Variants in EML4 observed in about 807,000 individuals in gnomAD.
The protein encoded by EML4 is EMAP like 4.
Under a neutral mutation model 129.0 loss-of-function variants are expected in EML4, and 72 were observed. The observed-to-expected ratio is 0.56, with a 90% CI of 0.46 to 0.68. The LOEUF (loss-of-function observed/expected upper bound fraction) is 0.68, where lower values mean the gene tolerates loss of function less well. EML4 is among the 30% of genes least tolerant of loss of function. EML4 has a pLI of 0.00. For synonymous variants in EML4, 532 were observed against 405.0 expected (o/e 1.31, Z -3.77); for missense variants, 1,363 against 1,190.6 (o/e 1.14, Z -2.13).
intron 1 of EML4, among the ~76,000 whole-genome samples, chr2:42,181,733 C>T (rs60046779): frequency 0.024 from 3,601 of 152,204 alleles, 137 homozygotes; most frequent in African/African-American, 0.08. Flanking sequence ...TCTTTGAAGA[C>T]TTTCTTGTTT....
At chr2:42,254,881 A>T (rs1676024482) in intron 2 of EML4, among the ~76,000 whole-genome samples, 1 of 152,216 alleles carries the variant, frequency 6.6e-6, no homozygotes, top group Non-Finnish European at 1.5e-5. Context: ...AGGTGGAAAC[A>T]ATCCAGATGA....
intron 2 of EML4, among the ~76,000 whole-genome samples, chr2:42,254,898 A>G (rs867594181): frequency 7.9e-5 from 12 of 152,342 alleles, no homozygotes; most frequent in Middle Eastern, 3.4e-3. Context: ...ATGATCATCA[A>G]CAGATGAATG....
At position 42,328,503 on chromosome 2, in the gene EML4, GT is replaced by G. The variant is rs534458893; in HGVS notation, c.2342-378del. ...TTCGAAGACTTGGTGTTATGGCTTT[GT>G]TTTTGAACCTTGTCTATACAAGTAA... On this transcript the variant is annotated intron_variant, in intron 21 of 22. Coordinates refer to ENST00000318522, the MANE Select transcript of EML4 (RefSeq NM_019063.5). Among the ~76,000 whole-genome samples, 242 of 152,280 alleles carry G rather than the reference GT, an allele frequency of 1.6e-3. 1 individual carries two copies. Among genetic ancestry groups the G allele is most frequent in the African/African-American group, 5.6e-3 (234 of 41,566 alleles).
At chr2:42,296,256 G>A (rs976094704) in intron 13 of EML4, among the ~76,000 whole-genome samples, 1 of 152,080 alleles carries the variant, frequency 6.6e-6, no homozygotes, top group African/African-American at 2.4e-5. Context: ...AGTGGGCCAG[G>A]AGAAGAGAGA....
intron 14 of EML4, among the ~76,000 whole-genome samples, chr2:42,301,785 T>G (rs1668301265): frequency 6.6e-6 from 1 of 152,132 alleles, no homozygotes; most frequent in Admixed American, 6.5e-5. Context: ...ATAGTACTGC[T>G]CTTGGATTTT....
chr2:42,258,325 G>GT (rs564187234), intron 3 of EML4, among the ~76,000 whole-genome samples: 74 of 152,012 alleles, frequency 4.9e-4, no homozygotes, highest in African/African-American at 1.7e-3. Context: ...TTGGAACTCA[G>GT]TTTTTTAATT....
At chr2:42,292,668 T>G (rs1667714051) in intron 11 of EML4, among the ~76,000 whole-genome samples, 2 of 152,332 alleles carry the variant, frequency 1.3e-5, no homozygotes, top group South Asian at 4.1e-4. Flanking sequence ...AATGTTTTGT[T>G]TCTTGTTCTG....
intron 1 of EML4, among the ~76,000 whole-genome samples, chr2:42,209,758 G>A (rs372120759): frequency 3.9e-5 from 6 of 152,136 alleles, no homozygotes; most frequent in African/African-American, 1.2e-4. Flanking sequence ...GGAGAAACCC[G>A]GTCTCTATTA....
chr2:42,170,942 A>G (rs1050304608), intron 1 of EML4, among the ~76,000 whole-genome samples: 13 of 152,252 alleles, frequency 8.5e-5, no homozygotes, highest in African/African-American at 3.1e-4. Flanking sequence ...GATATTAAAT[A>G]GTAAAACCTA....
At chr2:42,225,270 G>A (rs1673882464) in intron 1 of EML4, among the ~76,000 whole-genome samples, 2 of 152,066 alleles carry the variant, frequency 1.3e-5, no homozygotes, top group Admixed American at 6.5e-5. Context: ...GATTATATCT[G>A]TAAGTGGAGT....
Position 42,169,589 on chromosome 2 carries a change from G to T in EML4, c.-23G>T. On this transcript the variant is annotated 5_prime_UTR_variant, in exon 1 of 23. Transcript: ENST00000318522. ...TGAAGTGCCCGCCCCTCTAAGCCCG[G>T]AGCCCGGCGCTTTCCCCGCAAGATG... 6.3e-7 allele frequency: 1 copy of T among 1,598,786 alleles called. No individual in the cohort carries two copies. Among genetic ancestry groups the T allele is most frequent in the Non-Finnish European group, 8.5e-7 (1 of 1,174,508 alleles).
chr2:42,255,930 T>G (rs1676115599), intron 2 of EML4, among the ~76,000 whole-genome samples: 1 of 152,234 alleles, frequency 6.6e-6, no homozygotes, highest in Non-Finnish European at 1.5e-5. Context: ...AATCTTTACT[T>G]GACTCTTAGT....
Position 42,332,022 on chromosome 2 carries a change from T to A in EML4, c.*1815T>A, listed in dbSNP as rs565101984. The A allele has an allele frequency of 4.5e-6, 1 of 222,750 alleles. No homozygotes were observed. The highest frequency in any genetic ancestry group is 6.6e-5 in the East Asian group (1 of 15,220). 13.8% of individuals were successfully genotyped at this position (222,750 alleles called of 1,614,324 possible). On this transcript the variant is annotated 3_prime_UTR_variant, in exon 23 of 23. Coordinates refer to ENST00000318522, the MANE Select transcript of EML4 (RefSeq NM_019063.5). ...AGTATGTATGTTCTGTACATACTTA[T>A]CGGAGCGCGCCAGTAAGTATCAGGC...
rs896232700 is a variant in EML4, at chr2:42,261,289, C to A, written c.507C>A (p.Thr169=). 8 of 1,612,040 alleles carry A rather than the reference C, an allele frequency of 5.0e-6. No homozygotes were observed. In the African/African-American group the frequency reaches 1.1e-4, roughly 22 times the overall value. Residue 169 remains threonine (T), a synonymous_variant, in exon 4 of 23, where the codon ACC becomes ACA. Transcript: ENST00000318522. ...QTPESKNATP[T]KSIKRPSPAE... is the part of the protein sequence containing the mutation. ...CAGAAAGCAAGAATGCTACTCCCAC[C>A]AAAAGGTTTTAACTGTCCCCAAGTA...
intron 1 of EML4, among the ~76,000 whole-genome samples, chr2:42,225,210 A>G (rs753151152): frequency 7.2e-5 from 11 of 152,236 alleles, no homozygotes; most frequent in Admixed American, 1.3e-4. Context: ...TAATACTGCT[A>G]TGAACATTGG....
At chr2:42,278,813 A>G (rs60709140) in intron 6 of EML4, among the ~76,000 whole-genome samples, 10,085 of 151,120 alleles carry the variant, frequency 0.067, 1,071 homozygotes, top group African/African-American at 0.23. Context: ...GCACATGCCT[A>G]TAATCCCAGC....
At chr2:42,194,797 C>T (rs925822846) in intron 1 of EML4, among the ~76,000 whole-genome samples, 14 of 152,142 alleles carry the variant, frequency 9.2e-5, no homozygotes, top group African/African-American at 3.4e-4. Context: ...AGGAGTGAGC[C>T]ACTGCTTGGC....
intron 1 of EML4, among the ~76,000 whole-genome samples, chr2:42,229,490 A>G (rs767650719): frequency 4.6e-5 from 7 of 152,198 alleles, no homozygotes; most frequent in Non-Finnish European, 1.0e-4. Context: ...TTAGTAAAAT[A>G]TTAAATGGTA....
intron 5 of EML4, 92 bp downstream of exon 5, chr2:42,263,398 C>CTTTTTTTTTTTTTTTTTTTTTTT (rs67401314): frequency 4.9e-6 from 1 of 202,600 alleles, no homozygotes; most frequent in Non-Finnish European, 8.2e-6. Context: ...TGGTTTGAAT[C>CTTTTTTTTTTTTTTTTTTTTTTT]TTTTTTTTTT....
Sources: allele counts gnomAD v4.1 joint callset (sites outside exome capture counted in the v4.1 genomes callset), GRCh38; gene constraint gnomAD v4.1.1; transcripts MANE v1.5; gene names NCBI Gene and HGNC (gene_info 2026-07-23, HGNC 2026-07-21).